Variants in WDR1 observed in about 807,000 individuals in gnomAD.
WDR1 encodes the protein WD repeat domain 1.
WDR1 carries 21 observed loss-of-function variants against 71.9 expected under a neutral mutation model. That is an observed-to-expected ratio of 0.29 (90% CI 0.21 to 0.42). The LOEUF is 0.42. WDR1 is among the 10% of genes least tolerant of loss of function. WDR1 has a pLI of 1.00. For missense variants in WDR1, 696 were observed against 824.5 expected (o/e 0.84, Z 1.91); for synonymous variants, 424 against 347.4 (o/e 1.22, Z -2.45).
intron 9 of WDR1, chr4:10,083,674 C>A (rs1005369518): frequency 4.3e-6 from 2 of 469,070 alleles, no homozygotes; most frequent in South Asian, 3.1e-5. Context: ...GGCAGCAGAA[C>A]AACGCACAGC....
intron 4 of WDR1, among the ~76,000 whole-genome samples, chr4:10,098,581 A>G (rs1712501119): frequency 6.6e-6 from 1 of 152,184 alleles, no homozygotes; most frequent in Admixed American, 6.5e-5. Flanking sequence ...CTCCTCCATC[A>G]GAGACCCTTG....
chr4:10,098,726 A>G (rs1311623223), intron 4 of WDR1, among the ~76,000 whole-genome samples: 1 of 152,214 alleles, frequency 6.6e-6, no homozygotes, highest in Non-Finnish European at 1.5e-5. Context: ...GGTGGGCATG[A>G]GAGCTGGGGT....
chr4:10,104,217 G>A (rs1004289112), intron 2 of WDR1, among the ~76,000 whole-genome samples: 2 of 152,190 alleles, frequency 1.3e-5, no homozygotes, highest in African/African-American at 4.8e-5. Context: ...GTCTATGACT[G>A]TACAACAAGG....
rs1764747021 is a variant in WDR1 at position 10,075,066 on chromosome 4, T to C, written c.*312A>G. Reference sequence around the variant, plus strand: ...AGCCGCGGCGGGGCCAGGGGCTCTGTGTGCTTTGGAGGCTACTGCCTCTGG... The same window carrying C: ...AGCCGCGGCGGGGCCAGGGGCTCTGCGTGCTTTGGAGGCTACTGCCTCTGG... On this transcript the variant is annotated 3_prime_UTR_variant, in exon 15 of 15. Coordinates refer to ENST00000499869, the MANE Select transcript of WDR1 (RefSeq NM_017491.5). 2.3e-6 allele frequency: 1 copy of C among 433,330 alleles called. No individual in the cohort carries two copies. Among genetic ancestry groups the C allele is most frequent in the South Asian group, 5.5e-5 (1 of 18,264 alleles). The allele number at this position is 433,330 out of a possible 1,614,324, so 26.8% of individuals were successfully genotyped here. A position where few individuals can be genotyped will look rare whatever the true frequency, so the allele number is the denominator to read the frequency against.
intron 10 of WDR1, 89 bp from the exon 11 acceptor site, chr4:10,081,533 G>A: frequency 7.7e-7 from 1 of 1,301,670 alleles, no homozygotes; most frequent in South Asian, 1.2e-5. Context: ...CCACAGTTTT[G>A]CTCCTTAGAA....
chr4:10,083,206 C>A (rs772585969), intron 9 of WDR1, 28 bp from the exon 10 acceptor site: 5 of 1,604,990 alleles, frequency 3.1e-6, no homozygotes, highest in Non-Finnish European at 3.4e-6. Flanking sequence ...AAAAGCCCGG[C>A]TCCCAGGACT....
intron 12 of WDR1, among the ~76,000 whole-genome samples, chr4:10,078,431 CTG>C (rs1764882297): frequency 6.6e-6 from 1 of 152,206 alleles, no homozygotes; most frequent in Non-Finnish European, 1.5e-5. Flanking sequence ...TCAAGGGAAA[CTG>C]TAAAATGTCT....
chr4:10,088,381 G>C lies in WDR1; in HGVS notation c.637-8C>G. On this transcript the variant is annotated splice_region_variant and splice_polypyrimidine_tract_variant and intron_variant, in intron 6 of 14. Coordinates refer to ENST00000499869, the MANE Select transcript of WDR1 (RefSeq NM_017491.5). ...CCCGTCATAGATGTATATCTTCCAAGAAATAAAAACATGTGGGTCATGTGT... is the reference window on the plus strand; with the variant it reads ...CCCGTCATAGATGTATATCTTCCAACAAATAAAAACATGTGGGTCATGTGT... 1 of 1,554,028 alleles carries C rather than the reference G, an allele frequency of 6.4e-7. No individual in the cohort carries two copies.
At chr4:10,107,300 C>G (rs1368483387) in intron 2 of WDR1, among the ~76,000 whole-genome samples, 1 of 152,180 alleles carries the variant, frequency 6.6e-6, no homozygotes, top group East Asian at 1.9e-4. Flanking sequence ...TTTTCCTTGC[C>G]AACTCCCAAC....
At chr4:10,107,277 C>G (rs1399391494) in intron 2 of WDR1, among the ~76,000 whole-genome samples, 1 of 152,216 alleles carries the variant, frequency 6.6e-6, no homozygotes, top group Non-Finnish European at 1.5e-5. Flanking sequence ...GTCCTCACCA[C>G]AGGCCTGCCC....
intron 2 of WDR1, among the ~76,000 whole-genome samples, chr4:10,111,603 C>A (rs533997882): frequency 2.0e-4 from 31 of 152,338 alleles, no homozygotes; most frequent in Non-Finnish European, 4.1e-4. Flanking sequence ...CCTGCACCCC[C>A]ACAGGCCAAT....
chr4:10,089,113 T>G (rs1288237692), intron 5 of WDR1, among the ~76,000 whole-genome samples: 1 of 152,180 alleles, frequency 6.6e-6, no homozygotes, highest in Non-Finnish European at 1.5e-5. Context: ...CCAGGAGGCC[T>G]CTTCCTGGAG....
intron 5 of WDR1, among the ~76,000 whole-genome samples, chr4:10,095,626 A>G (rs572241797): frequency 6.6e-6 from 1 of 152,272 alleles, no homozygotes; most frequent in South Asian, 2.1e-4. Flanking sequence ...GCAACTCAGA[A>G]GGTATTTGGG....
chr4:10,104,912 C>T (rs906883041), intron 2 of WDR1, among the ~76,000 whole-genome samples: 1 of 152,190 alleles, frequency 6.6e-6, no homozygotes, highest in Non-Finnish European at 1.5e-5. Context: ...CCTAGCATGA[C>T]CCCACCTGCT....
intron 3 of WDR1, among the ~76,000 whole-genome samples, chr4:10,101,211 G>T (rs1019041511): frequency 6.6e-6 from 1 of 152,228 alleles, no homozygotes; most frequent in African/African-American, 2.4e-5. Flanking sequence ...GGACTGCCCC[G>T]TGGGAATGTG....
At chr4:10,110,418 G>C (rs1180070256) in intron 2 of WDR1, among the ~76,000 whole-genome samples, 1 of 152,160 alleles carries the variant, frequency 6.6e-6, no homozygotes, top group Non-Finnish European at 1.5e-5. Flanking sequence ...CCTCAAAGAT[G>C]GCTTCAGTAT....
At chr4:10,087,671 C>T in intron 8 of WDR1, 36 bp downstream of exon 8, 1 of 1,532,652 alleles carries the variant, frequency 6.5e-7, no homozygotes, top group Non-Finnish European at 8.8e-7. Flanking sequence ...TCCCTGTCCA[C>T]CCAGCGGGCA....
At chr4:10,078,056 C>A in intron 12 of WDR1, 130 bp from the exon 13 acceptor site, 3 of 1,179,674 alleles carry the variant, frequency 2.5e-6, no homozygotes, top group East Asian at 2.7e-5. Flanking sequence ...TGGGCCCATG[C>A]CAGGAGCTGG....
intron 4 of WDR1, among the ~76,000 whole-genome samples, chr4:10,098,539 A>C (rs931320224): frequency 1.3e-5 from 2 of 152,174 alleles, no homozygotes; most frequent in Non-Finnish European, 2.9e-5. Flanking sequence ...GTAGCCACCC[A>C]GTGCCACCCA....
Sources: gnomAD v4.1 joint callset for allele counts (sites outside exome capture counted in the v4.1 genomes callset) on GRCh38, gnomAD v4.1.1 for gene constraint, MANE v1.5 for transcripts, NCBI Gene and HGNC (gene_info 2026-07-23, HGNC 2026-07-21) for gene names.